LCLAT1: variants seen among roughly 807,000 people sequenced by gnomAD.
The protein encoded by LCLAT1 is lysocardiolipin acyltransferase 1.
A neutral mutation model predicts 30.7 loss-of-function variants in LCLAT1; 11 were observed. The ratio of observed to expected loss-of-function variants is 0.36; its 90% CI spans 0.23 to 0.59. LCLAT1 has a LOEUF of 0.59. LCLAT1 is among the 20% of genes least tolerant of loss of function. LCLAT1 has a pLI of 0.77. For synonymous variants in LCLAT1, 155 were observed against 151.3 expected (o/e 1.02, Z -0.18); for missense variants, 402 against 458.6 (o/e 0.88, Z 1.13).
chr2:30,557,417 A>AT lies in LCLAT1; in HGVS notation c.365-4715dup, dbSNP rs778342698. Reference sequence around the variant, plus strand: ...TCAAGGAGTGGAAAAATTCACATCAATTTTTTTTTTTTTTGAGGCAAAGTT... The same window carrying AT: ...TCAAGGAGTGGAAAAATTCACATCAATTTTTTTTTTTTTTTGAGGCAAAGTT... On this transcript the variant is annotated intron_variant, in intron 3 of 5. Coordinates refer to ENST00000379509, the MANE Select transcript of LCLAT1 (RefSeq NM_001002257.3). 6.6e-3 allele frequency among the ~76,000 whole-genome samples: 933 copies of AT among 140,680 alleles called. 4 individuals are homozygous for AT. Among genetic ancestry groups the AT allele is most frequent in the Admixed American group, 0.014 (190 of 13,974 alleles). The allele number at this position is 140,680 out of a possible 152,430, so 92.3% of individuals were successfully genotyped here.
At chr2:30,607,003 A>G (rs1267043351) in intron 5 of LCLAT1, 1 of 152,174 alleles carries the variant, frequency 6.6e-6, no homozygotes, top group Non-Finnish European at 1.5e-5. Context: ...ATCACTGATC[A>G]TCAGAGAAAT....
intron 5 of LCLAT1, among the ~76,000 whole-genome samples, chr2:30,613,175 G>C (rs1397212875): frequency 6.6e-6 from 1 of 152,114 alleles, no homozygotes; most frequent in Non-Finnish European, 1.5e-5. Context: ...GAGAATGAGG[G>C]CAGAAAGGTA....
intron 5 of LCLAT1, among the ~76,000 whole-genome samples, chr2:30,626,555 A>C (rs1668520062): frequency 6.6e-6 from 1 of 152,172 alleles, no homozygotes; most frequent in African/African-American, 2.4e-5. Flanking sequence ...TTTTCCCCTC[A>C]GTCAGATCCA....
At chr2:30,527,104 A>T (rs892151172) in intron 2 of LCLAT1, among the ~76,000 whole-genome samples, 1 of 152,330 alleles carries the variant, frequency 6.6e-6, no homozygotes, top group South Asian at 2.1e-4. Context: ...AATATTAATC[A>T]TCACAAGTAG....
At chr2:30,506,370 A>G (rs1684659753) in intron 1 of LCLAT1, among the ~76,000 whole-genome samples, 1 of 152,020 alleles carries the variant, frequency 6.6e-6, no homozygotes. Context: ...AATATTTCTA[A>G]TGGTTTCTCA....
intron 1 of LCLAT1, among the ~76,000 whole-genome samples, chr2:30,448,045 A>G (rs1260587214): frequency 6.6e-6 from 1 of 152,218 alleles, no homozygotes; most frequent in South Asian, 2.1e-4. Context: ...AAGATAAGGC[A>G]CTTAGATGTG....
At chr2:30,473,610 A>G (rs1682904598) in intron 1 of LCLAT1, among the ~76,000 whole-genome samples, 1 of 152,252 alleles carries the variant, frequency 6.6e-6, no homozygotes, top group Non-Finnish European at 1.5e-5. Context: ...GTGGATGGAT[A>G]GATGAACATG....
chr2:30,470,939 A>G (rs1682752112), intron 1 of LCLAT1, among the ~76,000 whole-genome samples: 1 of 131,284 alleles, frequency 7.6e-6, no homozygotes, highest in Non-Finnish European at 1.6e-5. Context: ...TTTGAGACAG[A>G]GTTTTGCTCT....
intron 1 of LCLAT1, among the ~76,000 whole-genome samples, chr2:30,525,126 A>G (rs1420107289): frequency 6.6e-6 from 1 of 151,078 alleles, no homozygotes; most frequent in Non-Finnish European, 1.5e-5. Flanking sequence ...TTTTTTTTTG[A>G]AACTGTCTCA....
Position 30,643,844 on chromosome 2 carries a change from T to C in LCLAT1, c.*3225T>C, listed in dbSNP as rs1408610607. On this transcript the variant is annotated 3_prime_UTR_variant, in exon 6 of 6. Coordinates refer to ENST00000379509, the MANE Select transcript of LCLAT1 (RefSeq NM_001002257.3). Reference sequence around the variant, plus strand: ...TTTCTTAGGTAAAGTCTCTTTTTGCTACTGAAAGGGAAATGGTCTCTAAAC... The same window carrying C: ...TTTCTTAGGTAAAGTCTCTTTTTGCCACTGAAAGGGAAATGGTCTCTAAAC... 6.6e-6 allele frequency: 1 copy of C among 152,624 alleles called. No homozygotes were observed. 9.5% of individuals were successfully genotyped at this position (152,624 alleles called of 1,614,324 possible).
chr2:30,458,419 G>T (rs146984952), intron 1 of LCLAT1, among the ~76,000 whole-genome samples: 1 of 152,304 alleles, frequency 6.6e-6, no homozygotes, highest in East Asian at 1.9e-4. Flanking sequence ...GTAGATTTGG[G>T]CATGCTCCTC....
chr2:30,541,898 C>G (rs1664157456), intron 3 of LCLAT1, among the ~76,000 whole-genome samples: 1 of 152,202 alleles, frequency 6.6e-6, no homozygotes, highest in South Asian at 2.1e-4. Context: ...ATCAGTCTTT[C>G]TAACTTCAGC....
At chr2:30,564,696 C>G (rs1665395684) in intron 4 of LCLAT1, among the ~76,000 whole-genome samples, 1 of 152,090 alleles carries the variant, frequency 6.6e-6, no homozygotes, top group Admixed American at 6.6e-5. Context: ...AACAAAATAT[C>G]TCCAGTTTGG....
chr2:30,568,281 T>C, intron 5 of LCLAT1, 105 bp downstream of exon 5: 1 of 580,158 alleles, frequency 1.7e-6, no homozygotes, highest in South Asian at 2.8e-5. Context: ...CTACTTTGTC[T>C]CAAGAAATGA....
chr2:30,592,596 CAA>C (rs1220264309), intron 5 of LCLAT1, among the ~76,000 whole-genome samples: 3 of 152,150 alleles, frequency 2.0e-5, no homozygotes, highest in Non-Finnish European at 2.9e-5. Flanking sequence ...ATAATTATTT[CAA>C]AGACAGAGTT....
chr2:30,539,042 C>T (rs373029874), intron 3 of LCLAT1, among the ~76,000 whole-genome samples: 2 of 151,604 alleles, frequency 1.3e-5, no homozygotes, highest in Admixed American at 6.6e-5. Flanking sequence ...TCACTCCAAC[C>T]TCCACCTACC....
chr2:30,551,644 C>A (rs1262246567), intron 3 of LCLAT1, among the ~76,000 whole-genome samples: 1 of 152,134 alleles, frequency 6.6e-6, no homozygotes, highest in East Asian at 1.9e-4. Flanking sequence ...AAGGCATTGG[C>A]AGGACTGGTT....
chr2:30,615,526 G>A (rs554931660), intron 5 of LCLAT1, among the ~76,000 whole-genome samples: 24 of 152,258 alleles, frequency 1.6e-4, no homozygotes, highest in African/African-American at 5.8e-4. Context: ...GCAGTACTAA[G>A]GAGCTGCTTT....
intron 5 of LCLAT1, among the ~76,000 whole-genome samples, chr2:30,584,373 C>T (rs1666338487): frequency 6.6e-6 from 1 of 152,188 alleles, no homozygotes; most frequent in South Asian, 2.1e-4. Context: ...TTGTTCTTAA[C>T]TGTTCTGGCT....
Sources: gnomAD v4.1 joint callset for allele counts (sites outside exome capture counted in the v4.1 genomes callset) on GRCh38, gnomAD v4.1.1 for gene constraint, MANE v1.5 for transcripts, NCBI Gene and HGNC (gene_info 2026-07-23, HGNC 2026-07-21) for gene names.